CHD9: variants seen among roughly 807,000 people sequenced by gnomAD.
The protein encoded by CHD9 is ATP-dependent chromatin remodeler CHD9.
CHD9 carries 77 observed loss-of-function variants against 316.1 expected under a neutral mutation model. The observed-to-expected ratio is 0.24, with a 90% confidence interval of 0.20 to 0.29. The LOEUF is 0.29. CHD9 is among the 10% of genes least tolerant of loss of function. The probability of loss-of-function intolerance (pLI) is 1.00; values close to 1 mark genes in which losing one functional copy is unlikely to be tolerated. For missense variants in CHD9, 2,763 were observed against 3,438.1 expected (o/e 0.80, Z 4.91); for synonymous variants, 1,129 against 1,158.3 (o/e 0.97, Z 0.51).
At position 53,209,884 on chromosome 16, in the gene CHD9, C is replaced by T. The variant is rs540610991; in HGVS notation, c.1784+71C>T. On this transcript the variant is annotated intron_variant, in intron 3 of 38. Coordinates refer to ENST00000447540, the MANE Select transcript of CHD9 (RefSeq NM_001308319.2). ...AAAGTTCAAACTGTCCAACCATCTA[C>T]TTTTGATTTGAGTATATTTACTCCC... 9.0e-6 allele frequency: 10 copies of T among 1,112,974 alleles called. No homozygotes were observed. In the Admixed American group the frequency reaches 2.2e-4, roughly 25 times the overall value. The allele number at this position is 1,112,974 out of a possible 1,614,324, so 68.9% of individuals were successfully genotyped here.
At chr16:53,270,267 T>G (rs895791795) in intron 22 of CHD9, among the ~76,000 whole-genome samples, 2 of 150,992 alleles carry the variant, frequency 1.3e-5, no homozygotes, top group South Asian at 4.2e-4. Context: ...CCTCCCAAAG[T>G]GCTGTGGGGG....
intron 2 of CHD9, among the ~76,000 whole-genome samples, chr16:53,183,413 A>G (rs776138109): frequency 1.5e-4 from 23 of 152,312 alleles, no homozygotes; most frequent in Middle Eastern, 3.4e-3. Flanking sequence ...CTAGGAGAGA[A>G]AGGGGAAGGA....
intron 2 of CHD9, among the ~76,000 whole-genome samples, chr16:53,174,056 G>A (rs1210061609): frequency 1.3e-5 from 2 of 151,824 alleles, no homozygotes; most frequent in Non-Finnish European, 2.9e-5. Context: ...TTTCTTCTTT[G>A]GCCCATGGAT....
chr16:53,088,666 G>A (rs978256321), intron 1 of CHD9, among the ~76,000 whole-genome samples: 1 of 152,040 alleles, frequency 6.6e-6, no homozygotes, highest in African/African-American at 2.4e-5. Context: ...GCATTGCAGG[G>A]GTGTTGGGCA....
chr16:53,278,476 A>C (rs2053083049), intron 24 of CHD9, among the ~76,000 whole-genome samples: 1 of 152,170 alleles, frequency 6.6e-6, no homozygotes, highest in Non-Finnish European at 1.5e-5. Flanking sequence ...ACTGATCTTC[A>C]ACAAAGCAAA....
chr16:53,118,709 C>A (rs1446650196), intron 1 of CHD9, among the ~76,000 whole-genome samples: 1 of 151,948 alleles, frequency 6.6e-6, no homozygotes, highest in Non-Finnish European at 1.5e-5. Context: ...CCAAAAATCT[C>A]CAAATACTTT....
rs2055746594 is a variant in CHD9, at chr16:53,304,548, C to T, written c.6542C>T (p.Ser2181Phe). 1.9e-6 allele frequency: 3 copies of T among 1,545,524 alleles called. No homozygotes were observed. Among genetic ancestry groups the T allele is most frequent in the South Asian group, 1.2e-5 (1 of 83,920 alleles). ...CSSASSSSSS[S>F]TSSSSSSSSS... ...TCAGCATCTTCTTCATCCTCTTCCT[C>T]CACCTCTTCCTCCTCCTCCTCCTCT... Residue 2181 changes from serine to phenylalanine, a missense_variant, in exon 31 of 39, where the codon TCC becomes TTC. Ser to Phe is a radical substitution (Grantham distance 155, BLOSUM62 -2). Coordinates refer to ENST00000447540, the MANE Select transcript of CHD9 (RefSeq NM_001308319.2).
chr16:53,104,017 C>T (rs968665164), intron 1 of CHD9, among the ~76,000 whole-genome samples: 1 of 152,202 alleles, frequency 6.6e-6, no homozygotes, highest in Non-Finnish European at 1.5e-5. Flanking sequence ...CTTCATTGCA[C>T]AGGATTCTTG....
intron 1 of CHD9, among the ~76,000 whole-genome samples, chr16:53,081,055 C>T (rs1361829136): frequency 6.6e-6 from 1 of 152,224 alleles, no homozygotes; most frequent in East Asian, 1.9e-4. Context: ...CTTCTCCTTC[C>T]CACTCCAGTC....
chr16:53,237,924 C>T (rs950087357), intron 11 of CHD9, among the ~76,000 whole-genome samples: 2 of 151,966 alleles, frequency 1.3e-5, no homozygotes, highest in Non-Finnish European at 2.9e-5. Context: ...TAGCACATTG[C>T]ATGACTATTT....
chr16:53,206,310 A>G (rs2045891916), intron 2 of CHD9, among the ~76,000 whole-genome samples: 2 of 151,002 alleles, frequency 1.3e-5, no homozygotes, highest in Admixed American at 1.3e-4. Context: ...CTCCTCAGCC[A>G]TGCCTCACCT....
intron 1 of CHD9, among the ~76,000 whole-genome samples, chr16:53,085,611 G>A (rs986923604): frequency 7.2e-5 from 11 of 152,174 alleles, no homozygotes; most frequent in African/African-American, 2.7e-4. Context: ...GAACAGGCAG[G>A]GACCTGTTCT....
intron 19 of CHD9, among the ~76,000 whole-genome samples, 183 bp downstream of exon 19, chr16:53,255,962 C>A (rs907592509): frequency 1.3e-5 from 2 of 151,982 alleles, no homozygotes; most frequent in Non-Finnish European, 2.9e-5. Context: ...CTTTTCTGAT[C>A]CTTGTGAAAC....
chr16:53,068,411 T>A (rs2033716392), intron 1 of CHD9, among the ~76,000 whole-genome samples: 1 of 152,166 alleles, frequency 6.6e-6, no homozygotes, highest in Admixed American at 6.5e-5. Flanking sequence ...TCCCCGCCGA[T>A]CCAGCATTCT....
intron 2 of CHD9, among the ~76,000 whole-genome samples, chr16:53,174,596 A>T (rs376097953): frequency 3.4e-4 from 52 of 151,784 alleles, no homozygotes; most frequent in African/African-American, 1.2e-3. Context: ...TTGTACTTTT[A>T]ACCTATTTAT....
At chr16:53,230,148 G>A (rs1260810664) in intron 8 of CHD9, among the ~76,000 whole-genome samples, 1 of 152,072 alleles carries the variant, frequency 6.6e-6, no homozygotes, top group African/African-American at 2.4e-5. Flanking sequence ...ATCCAGGTTA[G>A]GCATTTTTTA....
chr16:53,056,644 C>T (rs979325176), intron 1 of CHD9, among the ~76,000 whole-genome samples: 1 of 152,340 alleles, frequency 6.6e-6, no homozygotes, highest in East Asian at 1.9e-4. Flanking sequence ...ACGGGGCAGG[C>T]GCGTGGTGTG....
intron 2 of CHD9, among the ~76,000 whole-genome samples, chr16:53,188,843 C>A (rs1178256266): frequency 6.6e-6 from 1 of 151,796 alleles, no homozygotes; most frequent in Non-Finnish European, 1.5e-5. Flanking sequence ...CCTCAGCCTC[C>A]CAAGGTGCTG....
intron 2 of CHD9, chr16:53,168,818 C>T (rs919885342): frequency 3.9e-5 from 6 of 152,226 alleles, no homozygotes; most frequent in Non-Finnish European, 8.8e-5. Flanking sequence ...CACACTGTAG[C>T]CTTGAACTCC....
Sources: allele counts gnomAD v4.1 joint callset (sites outside exome capture counted in the v4.1 genomes callset), GRCh38; gene constraint gnomAD v4.1.1; transcripts MANE v1.5; gene names NCBI Gene and HGNC (gene_info 2026-07-23, HGNC 2026-07-21).